The following ZNF385A variants were observed in gnomAD, a reference collection of about 807,000 sequenced individuals.
ZNF385A encodes the protein hematopoietic zinc finger protein.
A neutral mutation model predicts 32.1 loss-of-function variants in ZNF385A; 14 were observed. The ratio of observed to expected loss-of-function variants is 0.44; its 90% CI spans 0.29 to 0.68. The LOEUF is 0.68. Among genes scored for constraint, ZNF385A ranks in the 30% least tolerant of loss-of-function variants. ZNF385A has a pLI of 0.14. For missense variants in ZNF385A, 406 were observed against 478.4 expected (o/e 0.85, Z 1.41); for synonymous variants, 197 against 202.7 (o/e 0.97, Z 0.24).
In ZNF385A at chr12:54,370,364, A is replaced by T. The variant is rs557869114; in HGVS notation, c.993T>A (p.Ala331=). Residue 331 remains alanine, a synonymous_variant, in exon 7 of 7, where the codon GCT becomes GCA. Transcript: ENST00000394313. The surrounding 1 kb of genome is among the most constrained non-coding windows in gnomAD (Gnocchi z 5.5). ...GTCCCTGGAGAAGAGGTGCGGCTGGAGCCGGGCGCAGGGACAGCGGCGAGC... is the reference window on the plus strand; with the variant it reads ...GTCCCTGGAGAAGAGGTGCGGCTGGTGCCGGGCGCAGGGACAGCGGCGAGC... ...AAGSPLSLRP[A]PAAPLLQGPP... 6.6e-7 allele frequency: 1 copy of T among 1,508,340 alleles called. No homozygotes were observed. The highest frequency in any genetic ancestry group is 1.8e-4 in the Middle Eastern group (1 of 5,566). 93.4% of individuals were successfully genotyped at this position (1,508,340 alleles called of 1,614,324 possible).
chr12:54,384,841 C>A, upstream of ZNF385A: 1 of 1,182,140 alleles, frequency 8.5e-7, no homozygotes, highest in Non-Finnish European at 1.0e-6. Flanking sequence ...ACATTACAGA[C>A]CCAGTAAGAG....
At chr12:54,379,049 G>A in intron 1 of ZNF385A, 3 of 984,168 alleles carry the variant, frequency 3.0e-6, no homozygotes, top group Non-Finnish European at 3.6e-6. Context: ...GGAGAGAGGA[G>A]GGGCCGGGTG....
At position 54,384,470 on chromosome 12, in the gene ZNF385A, G is replaced by C. The variant is rs766893553; in HGVS notation, c.45C>G (p.Leu15=). The change falls in exon 1 of 7, where the codon CTC becomes CTG. Residue 15 remains leucine (L), a synonymous_variant. Transcript: ENST00000394313. ...LDLKQILPFP[L]EPAPTLGLFS... is the part of the protein sequence containing the mutation. ...AGAGGCCAAGGGTAGGGGCTGGCTC[G>C]AGTGGGAAGGGCAGGATCTGCTTGA... is the stretch of plus-strand genomic sequence containing the variant. The C allele has an allele frequency of 7.5e-6, 12 of 1,589,426 alleles. No homozygotes were observed. In the Admixed American group the frequency reaches 1.8e-4, roughly 24 times the overall value.
intron 1 of ZNF385A, chr12:54,379,028 G>A: frequency 1.0e-6 from 1 of 982,940 alleles, no homozygotes; most frequent in South Asian, 4.7e-5. Context: ...TGCGGCAGCC[G>A]CGGGAGTCAG....
At position 54,374,093 on chromosome 12, in the gene ZNF385A, G is replaced by A. The variant is rs369737303; in HGVS notation, c.241C>T (p.Arg81Ter). 1.9e-6 allele frequency: 3 copies of A among 1,591,148 alleles called. No homozygotes were observed. The highest frequency in any genetic ancestry group is 1.7e-5 in the Admixed American group (1 of 57,310). ...TTGGCAGCCTCAATGCCTTTGACTC[G>A]TCGGGCGTGGCGATTACCTTTGTAG... ...AHYKGNRHAR[R>*]VKGIEAAKTR... Residue 81 changes from arginine to a stop codon, truncating the protein, a stop_gained, in exon 3 of 7, where the codon CGA becomes TGA. Coordinates refer to ENST00000394313, the MANE Select transcript of ZNF385A (RefSeq NM_015481.3). LOFTEE classifies it high-confidence loss of function.
chr12:54,384,774 T>C, upstream of ZNF385A: 1 of 1,242,214 alleles, frequency 8.1e-7, no homozygotes, highest in Non-Finnish European at 1.0e-6. Flanking sequence ...AGTCCTTCCC[T>C]TCTGGGTGGT....
chr12:54,376,369 G>A (rs1265114151), intron 1 of ZNF385A, among the ~76,000 whole-genome samples: 1 of 152,058 alleles, frequency 6.6e-6, no homozygotes, highest in Admixed American at 6.5e-5. Flanking sequence ...AGGGCCTTCA[G>A]CTGAAGCCTC....
intron 3 of ZNF385A, chr12:54,372,764 G>A (rs550388005): frequency 6.5e-6 from 1 of 155,028 alleles, no homozygotes; most frequent in Admixed American, 6.5e-5. Context: ...CGTGGCCGGG[G>A]ACGGTGGCTC....
intron 1 of ZNF385A, among the ~76,000 whole-genome samples, chr12:54,382,507 T>C (rs186809562): frequency 2.0e-5 from 3 of 152,342 alleles, no homozygotes; most frequent in Non-Finnish European, 4.4e-5. Context: ...GCACATACTG[T>C]GTCAACTTAT....
chr12:54,370,428 CTGGGGAGCAGGCCGCCCGCCAGGGACT>C lies in ZNF385A; in HGVS notation c.902_928del (p.Lys301_Pro309del). 1 of 1,549,268 alleles carries C rather than the reference CTGGGGAGCAGGCCGCCCGCCAGGGACT, an allele frequency of 6.5e-7. No homozygotes were observed. Among genetic ancestry groups the C allele is most frequent in the Non-Finnish European group, 8.7e-7 (1 of 1,145,696 alleles). The stretch of plus-strand genomic sequence containing the variant: ...CATCACTGCAGCCACCGCCAGGGGG[CTGGGGAGCAGGCCGCCCGCCAGGGACT>C]TGGGCAGCTCCTTGGAGAAAGTCAG... On this transcript the variant is annotated inframe_deletion, in exon 7 of 7. Transcript: ENST00000394313. This position sits in a 1 kb window ranked among gnomAD's most constrained non-coding sequence, Gnocchi z 5.5.
chr12:54,383,354 C>G (rs1011670244), intron 1 of ZNF385A, among the ~76,000 whole-genome samples: 1 of 152,062 alleles, frequency 6.6e-6, no homozygotes, highest in African/African-American at 2.4e-5. Flanking sequence ...TCCCCCACCC[C>G]CAAACACCAG....
rs75848149 is a variant in ZNF385A at position 54,374,986 on chromosome 12, A to G, written c.199-851T>C. Among the ~76,000 whole-genome samples, 5 of 152,298 alleles carry G rather than the reference A, an allele frequency of 3.3e-5. No individual in the cohort carries two copies. The East Asian group carries it at 9.6e-4, about 29-fold the overall frequency. ...CACAGGGTCACCCAGACAAGGGCAG[A>G]AATAAAAGGTGTGGATAGGCAGGAA... On this transcript the variant is annotated intron_variant, in intron 2 of 6. Transcript: ENST00000394313.
upstream of ZNF385A, among the ~76,000 whole-genome samples, chr12:54,387,134 G>T (rs752565247): frequency 6.6e-6 from 1 of 152,226 alleles, no homozygotes; most frequent in Non-Finnish European, 1.5e-5. Flanking sequence ...AGGAGAGGAA[G>T]GGGAGAGCAG....
At chr12:54,386,059 G>A (rs1046926777), upstream of ZNF385A, among the ~76,000 whole-genome samples, 10 of 151,978 alleles carry the variant, frequency 6.6e-5, no homozygotes, top group African/African-American at 2.4e-4. Flanking sequence ...GAATTCTCAG[G>A]GCTAAAGGAG....
At position 54,374,139 on chromosome 12, in the gene ZNF385A, T is replaced by C. The variant is rs929509662; in HGVS notation, c.199-4A>G. On this transcript the variant is annotated splice_polypyrimidine_tract_variant and splice_region_variant and intron_variant, in intron 2 of 6. Transcript: ENST00000394313. ...TGTAGTGCGCCTCAGCCTGGCTCTT[T>C]AGGGATGGAGGAAGAAAATGGAATC... 1 of 1,496,264 alleles carries C rather than the reference T, an allele frequency of 6.7e-7. No homozygotes were observed. The highest frequency in any genetic ancestry group is 2.1e-5 in the Admixed American group (1 of 46,908). The allele number at this position is 1,496,264 out of a possible 1,614,324, so 92.7% of individuals were successfully genotyped here.
intron 1 of ZNF385A, 28 bp from the exon 2 acceptor site, chr12:54,375,982 G>C (rs1322021810): frequency 6.3e-7 from 1 of 1,577,324 alleles, no homozygotes; most frequent in East Asian, 2.2e-5. Context: ...GGTGAGCCGG[G>C]AACCCTAGCG....
chr12:54,380,242 G>A (rs963425135), intron 1 of ZNF385A, among the ~76,000 whole-genome samples: 1 of 152,222 alleles, frequency 6.6e-6, no homozygotes, highest in Non-Finnish European at 1.5e-5. Flanking sequence ...TGTTGATTGA[G>A]CCCTTGCAAT....
chr12:54,377,794 T>C (rs1954924136), intron 1 of ZNF385A, among the ~76,000 whole-genome samples: 1 of 151,982 alleles, frequency 6.6e-6, no homozygotes, highest in South Asian at 2.1e-4. Flanking sequence ...GGGTGGGGAA[T>C]GGGAATTCAA....
At position 54,372,111 on chromosome 12, in the gene ZNF385A, C is replaced by G. The variant is rs1050364924; in HGVS notation, c.362-396G>C. The stretch of plus-strand genomic sequence containing the variant: ...TCTTGCCCAGCCCCCAGGAAGTACA[C>G]GAAAGAGCCCTAGGAAGGGGCAGAG... On this transcript the variant is annotated intron_variant, in intron 3 of 6. Coordinates refer to ENST00000394313, the MANE Select transcript of ZNF385A (RefSeq NM_015481.3). Among the ~76,000 whole-genome samples the G allele has an allele frequency of 1.2e-4, 19 of 152,078 alleles. No individual in the cohort carries two copies. The East Asian group carries it at 2.3e-3, about 18-fold the overall frequency.
Sources: allele counts gnomAD v4.1 joint callset (sites outside exome capture counted in the v4.1 genomes callset), GRCh38; gene constraint gnomAD v4.1.1; non-coding constraint Gnocchi (gnomAD v3.1); transcripts MANE v1.5; gene names NCBI Gene and HGNC (gene_info 2026-07-23, HGNC 2026-07-21).